WNK2: variants seen among roughly 807,000 people sequenced by gnomAD.
WNK2 encodes the protein WNK lysine deficient protein kinase 2.
WNK2 carries 67 observed loss-of-function variants against 192.1 expected under a neutral mutation model. The ratio of observed to expected loss-of-function variants is 0.35; its 90% CI spans 0.29 to 0.43. The LOEUF is 0.43. Among genes scored for constraint, WNK2 ranks in the 20% least tolerant of loss-of-function variants. The pLI, the probability that WNK2 is intolerant of heterozygous loss-of-function variation, is 1.00. For synonymous variants in WNK2, 1,439 were observed against 1,393.9 expected (o/e 1.03, Z -0.72); for missense variants, 2,698 against 3,089.7 (o/e 0.87, Z 3.01).
intron 19 of WNK2, among the ~76,000 whole-genome samples, chr9:93,269,720 G>A (rs1845752932): frequency 6.6e-6 from 1 of 152,216 alleles, no homozygotes. Context: ...GGGTGCAGGG[G>A]ACACTGTGGT....
intron 29 of WNK2, 111 bp from the exon 30 acceptor site, chr9:93,320,256 C>T: frequency 8.1e-7 from 1 of 1,229,776 alleles, no homozygotes; most frequent in Non-Finnish European, 1.1e-6. Flanking sequence ...CATGGCAGAG[C>T]TGGCGCAGCC....
At position 93,253,052 on chromosome 9, in the gene WNK2, G is replaced by A. The variant is rs1842807982; in HGVS notation, c.2004G>A (p.Ser668=). The change falls in exon 9 of 30, where the codon TCG becomes TCA. Residue 668 remains serine (S), a synonymous_variant. Coordinates refer to ENST00000427277, the MANE Select transcript of WNK2 (RefSeq NM_006648.4). The stretch of plus-strand genomic sequence containing the variant: ...CCGTCCTGCCGCAGAGCCTGCCCTC[G>A]CTGGGGGCCTACCAGCAGCCCACGG... The part of the protein sequence containing the change: ...EGPVLPQSLP[S]LGAYQQPTAA... 8 of 1,511,592 alleles carry A rather than the reference G, an allele frequency of 5.3e-6. No individual in the cohort carries two copies. The highest frequency in any genetic ancestry group is 1.4e-5 in the African/African-American group (1 of 71,968). 93.6% of individuals were successfully genotyped at this position (1,511,592 alleles called of 1,614,324 possible).
At chr9:93,289,951 C>G in intron 20 of WNK2, 27 bp from the exon 21 acceptor site, 1 of 1,550,494 alleles carries the variant, frequency 6.4e-7, no homozygotes, top group Non-Finnish European at 8.7e-7. Context: ...TCTCACGGCT[C>G]TTCTCTTTTT....
intron 16 of WNK2, among the ~76,000 whole-genome samples, chr9:93,266,552 T>C (rs1331684830): frequency 6.6e-6 from 1 of 152,258 alleles, no homozygotes; most frequent in Non-Finnish European, 1.5e-5. Flanking sequence ...AATTCTCGTA[T>C]GTGGCACTCC....
chr9:93,227,570 A>C (rs1265369274), intron 2 of WNK2, among the ~76,000 whole-genome samples: 1 of 152,244 alleles, frequency 6.6e-6, no homozygotes, highest in South Asian at 2.1e-4. Context: ...TGTGTTTATT[A>C]TTAAATTACA....
At chr9:93,256,582 C>A in intron 10 of WNK2, 128 bp downstream of exon 10, 1 of 1,167,772 alleles carries the variant, frequency 8.6e-7, no homozygotes, top group Non-Finnish European at 1.2e-6. Flanking sequence ...TCCCCCAGGT[C>A]TTTGGTGTGC....
At chr9:93,285,953 A>G (rs1196647661) in intron 19 of WNK2, among the ~76,000 whole-genome samples, 2 of 152,208 alleles carry the variant, frequency 1.3e-5, no homozygotes, top group East Asian at 3.8e-4. Context: ...CTCAACAGAA[A>G]GAGTTGGGAT....
At chr9:93,232,348 G>C (rs1838964701) in intron 4 of WNK2, among the ~76,000 whole-genome samples, 1 of 152,168 alleles carries the variant, frequency 6.6e-6, no homozygotes, top group Admixed American at 6.5e-5. Flanking sequence ...CTGACCCAGG[G>C]TTCAGTTTCC....
At chr9:93,248,640 G>A (rs1842124257) in intron 8 of WNK2, among the ~76,000 whole-genome samples, 1 of 152,300 alleles carries the variant, frequency 6.6e-6, no homozygotes, top group Admixed American at 6.5e-5. Context: ...CAGAACCTTT[G>A]GGACCTTTTG....
intron 9 of WNK2, among the ~76,000 whole-genome samples, chr9:93,254,483 G>C (rs1468993786): frequency 6.6e-6 from 1 of 152,204 alleles, no homozygotes; most frequent in African/African-American, 2.4e-5. Flanking sequence ...CTTGCATGCG[G>C]GACCAGCCTT....
At chr9:93,184,865 G>A (rs990016089) in intron 1 of WNK2, 63 bp from the exon 2 acceptor site, 3 of 1,198,350 alleles carry the variant, frequency 2.5e-6, no homozygotes, top group Middle Eastern at 3.3e-4. Context: ...TGTCTCATCC[G>A]GCGGCCTGGG....
chr9:93,306,733 C>G, intron 26 of WNK2, 44 bp from the exon 27 acceptor site: 1 of 1,613,302 alleles, frequency 6.2e-7, no homozygotes, highest in East Asian at 2.2e-5. Context: ...GTGTGCTGTT[C>G]TGCCTAACCC....
rs778424023 is a variant in WNK2 at position 93,267,783 on chromosome 9, C to T, written c.3734C>T (p.Thr1245Met). The change falls in exon 17 of 30, where the codon ACG becomes ATG. Residue 1245 changes from threonine to methionine, a missense_variant. Thr to Met is a moderately conservative substitution (Grantham distance 81). This residue lies in a region of WNK2 where 1,098 missense variants were observed against 1,101.0 expected (regional missense o/e 1.00). Coordinates refer to ENST00000427277, the MANE Select transcript of WNK2 (RefSeq NM_006648.4). ...HDFILQAERE[T>M]FIEQMKDVMD... The stretch of plus-strand genomic sequence containing the variant: ...TTTATCCTGCAGGCCGAGCGGGAAA[C>T]GTTCATCGAGCAGATGAAGGATGTC... The T allele has an allele frequency of 1.2e-5, 19 of 1,609,754 alleles. No homozygotes were observed. The highest frequency in any genetic ancestry group is 6.7e-5 in the Admixed American group (4 of 59,460).
chr9:93,202,385 C>T (rs1399024981), intron 2 of WNK2, among the ~76,000 whole-genome samples: 6 of 145,934 alleles, frequency 4.1e-5, no homozygotes, highest in Non-Finnish European at 9.1e-5. Context: ...GTCTTTGGCT[C>T]GTTTGCCAGG....
intron 8 of WNK2, among the ~76,000 whole-genome samples, chr9:93,248,697 G>C (rs1023810420): frequency 5.9e-5 from 9 of 152,174 alleles, no homozygotes; most frequent in African/African-American, 2.2e-4. Context: ...GAATCACTTT[G>C]GATCAGGTTT....
chr9:93,211,203 T>C (rs1388888170), intron 2 of WNK2, among the ~76,000 whole-genome samples: 8 of 2,732 alleles, frequency 2.9e-3, no homozygotes, highest in African/African-American at 5.7e-3. Flanking sequence ...CTCACACATT[T>C]ACTCATTCAA....
At chr9:93,268,186 G>T in intron 18 of WNK2, 121 bp downstream of exon 18, 1 of 1,396,422 alleles carries the variant, frequency 7.2e-7, no homozygotes. Context: ...GTGACCAGGG[G>T]CCCCAGTCTG....
Position 93,294,301 on chromosome 9 carries a change from G to A in WNK2, c.5708+1128G>A, listed in dbSNP as rs145828362. 2.4e-3 allele frequency among the ~76,000 whole-genome samples: 369 copies of A among 152,352 alleles called. 3 individuals are homozygous for A. The highest frequency in any genetic ancestry group is 0.017 in the Middle Eastern group (5 of 294). On this transcript the variant is annotated intron_variant, in intron 23 of 29. Coordinates refer to ENST00000427277, the MANE Select transcript of WNK2 (RefSeq NM_006648.4). The stretch of plus-strand genomic sequence containing the variant: ...CTCTGTGTTCGTGGAGAACTGAGGA[G>A]GGAACTGGAGCTGCTGGGAGAGGCA...
Position 93,289,544 on chromosome 9 carries a change from T to G in WNK2, c.4790T>G (p.Val1597Gly). Reference protein sequence around the residue: ...PLRGDQPRSEVCGGDLALPPV... With the variant: ...PLRGDQPRSEGCGGDLALPPV... ...AGAGGGGACCAGCCCCGCTCAGAGGTCTGCGGGGGGGACCTGGCCCTGCCC... is the reference window on the plus strand; with the variant it reads ...AGAGGGGACCAGCCCCGCTCAGAGGGCTGCGGGGGGGACCTGGCCCTGCCC... The change falls in exon 20 of 30, where the codon GTC becomes GGC. Residue 1597 changes from valine (V) to glycine (G), a missense_variant. Val to Gly is a moderately radical substitution (Grantham distance 109). Around this residue, in one of 7 missense-constraint regions of WNK2, gnomAD observed 1,098 missense variants for 1,101.0 expected, o/e 1.00. Coordinates refer to ENST00000427277, the MANE Select transcript of WNK2 (RefSeq NM_006648.4). 1 of 1,573,928 alleles carries G rather than the reference T, an allele frequency of 6.4e-7. No homozygotes were observed. Among genetic ancestry groups the G allele is most frequent in the East Asian group, 2.3e-5 (1 of 44,042 alleles).
Sources: gnomAD v4.1 joint callset for allele counts (sites outside exome capture counted in the v4.1 genomes callset) on GRCh38, gnomAD v4.1.1 for gene constraint, gnomAD v4.1.1 regional missense constraint, MANE v1.5 for transcripts, NCBI Gene and HGNC (gene_info 2026-07-23, HGNC 2026-07-21) for gene names.